KMT2C: variants seen among roughly 807,000 people sequenced by gnomAD.
The protein encoded by KMT2C is lysine methyltransferase 2C.
A neutral mutation model predicts 507.9 loss-of-function variants in KMT2C; 88 were observed. That is an observed-to-expected ratio of 0.17 (90% CI 0.15 to 0.21). The LOEUF (loss-of-function observed/expected upper bound fraction) is 0.21. KMT2C is among the 10% of genes least tolerant of loss of function. KMT2C has a pLI of 1.00. For synonymous variants in KMT2C, 2,049 were observed against 2,080.8 expected, an observed-to-expected ratio of 0.98 and a Z score of 0.42; for missense variants, 4,954 against 5,957.8, an observed-to-expected ratio of 0.83 and a Z score of 5.55.
intron 1 of KMT2C, among the ~76,000 whole-genome samples, chr7:152,391,142 C>CAAAAAAAAAAAAAAAAA (rs1195125465): frequency 5.8e-5 from 2 of 34,764 alleles, no homozygotes; most frequent in African/African-American, 2.1e-4. Flanking sequence ...AGACTGTCTC[C>CAAAAAAAAAAAAAAAAA]AAAAAAAAAA....
At chr7:152,335,448 CAAT>C (rs966502391) in intron 2 of KMT2C, among the ~76,000 whole-genome samples, 2 of 152,148 alleles carry the variant, frequency 1.3e-5, no homozygotes, top group Non-Finnish European at 2.9e-5. Context: ...AACTTACCAA[CAAT>C]GAGCCAAATG....
chr7:152,319,159 A>G (rs10248857), intron 3 of KMT2C, among the ~76,000 whole-genome samples: 16,484 of 152,210 alleles, frequency 0.11, 2,147 homozygotes, highest in African/African-American at 0.31. Context: ...TTCTGTGGGC[A>G]GCAAGCCACC....
chr7:152,184,091 A>T (rs566810134), intron 34 of KMT2C, among the ~76,000 whole-genome samples: 13 of 150,692 alleles, frequency 8.6e-5, no homozygotes, highest in Admixed American at 2.0e-4. Flanking sequence ...AAAAAAAAAA[A>T]TTTAGAAAAA....
chr7:152,167,470 C>T (rs908688438), intron 41 of KMT2C, 92 bp from the exon 42 acceptor site: 4 of 777,688 alleles, frequency 5.1e-6, no homozygotes, highest in Middle Eastern at 3.0e-4. Context: ...AGTAGTTTCA[C>T]CATGACCACA....
At chr7:152,171,426 C>A (rs547170818) in intron 39 of KMT2C, 84 bp from the exon 40 acceptor site, 2 of 848,692 alleles carry the variant, frequency 2.4e-6, no homozygotes, top group African/African-American at 3.5e-5. Context: ...AGGTGCTTAA[C>A]AGTTTTCTCT....
chr7:152,269,786 T>C (rs1160674212), intron 7 of KMT2C, among the ~76,000 whole-genome samples: 1 of 151,796 alleles, frequency 6.6e-6, no homozygotes, highest in Non-Finnish European at 1.5e-5. Context: ...CTAAATGAAG[T>C]AAAGGGAGCA....
At chr7:152,155,700 C>G (rs2091997308) in intron 46 of KMT2C, among the ~76,000 whole-genome samples, 1 of 152,008 alleles carries the variant, frequency 6.6e-6, no homozygotes, top group South Asian at 2.1e-4. Flanking sequence ...ATTTAACTCT[C>G]TATATGATGT....
At chr7:152,307,473 A>T (rs1482797378) in intron 6 of KMT2C, among the ~76,000 whole-genome samples, 2 of 152,148 alleles carry the variant, frequency 1.3e-5, no homozygotes, top group Admixed American at 1.3e-4. Context: ...GTTTTGAGTG[A>T]TTCAATCTAG....
At chr7:152,260,339 T>A (rs2095747916) in intron 9 of KMT2C, among the ~76,000 whole-genome samples, 1 of 152,038 alleles carries the variant, frequency 6.6e-6, no homozygotes, top group South Asian at 2.1e-4. Context: ...CAGAACAAGC[T>A]GAGAAAGACA....
chr7:152,398,958 G>A lies in KMT2C; in HGVS notation c.161+36668C>T, dbSNP rs75522177. On this transcript the variant is annotated intron_variant, in intron 1 of 58. Coordinates refer to ENST00000262189, the MANE Select transcript of KMT2C (RefSeq NM_170606.3). ...TCCTCCCACCTCAGCCTCTGAGTAG[G>A]TAGGACTACAGGTTCGCACCACCAA... Among the ~76,000 whole-genome samples, 1,473 of 151,844 alleles carry A rather than the reference G, an allele frequency of 9.7e-3. 35 individuals carry two copies. Among genetic ancestry groups the A allele is most frequent in the African/African-American group, 0.034 (1,418 of 41,398 alleles).
At chr7:152,334,609 T>C (rs751432621) in intron 2 of KMT2C, among the ~76,000 whole-genome samples, 2 of 151,908 alleles carry the variant, frequency 1.3e-5, no homozygotes, top group Non-Finnish European at 2.9e-5. Flanking sequence ...CGAGAGAATA[T>C]GACCAGAAGC....
chr7:152,396,840 A>C (rs1350021736), intron 1 of KMT2C, among the ~76,000 whole-genome samples: 1 of 152,236 alleles, frequency 6.6e-6, no homozygotes, highest in Non-Finnish European at 1.5e-5. Flanking sequence ...ATGAATATCC[A>C]TCAAAACTTG....
Position 152,238,823 on chromosome 7 carries a change from C to T in KMT2C, c.2536G>A (p.Ala846Thr), listed in dbSNP as rs759345474. 1.9e-6 allele frequency: 3 copies of T among 1,599,444 alleles called. No individual in the cohort carries two copies. Among genetic ancestry groups the T allele is most frequent in the African/African-American group, 2.7e-5 (2 of 74,194 alleles). Residue 846 changes from alanine (A) to threonine (T), a missense_variant, in exon 15 of 59, where the codon GCT becomes ACT. Physicochemically the swap from Ala to Thr is moderately conservative, Grantham distance 58 (BLOSUM62 0). Coordinates refer to ENST00000262189, the MANE Select transcript of KMT2C (RefSeq NM_170606.3). ...CTCACTGTATTATGGGTACTCCAAG[C>T]CCCCTAGGATATGGCAGTTGAGAAA... ...SPGRPRSKQG[A>T]WSTHNTVSPP...
chr7:152,204,171 G>A (rs376150394), intron 25 of KMT2C, among the ~76,000 whole-genome samples: 39 of 152,010 alleles, frequency 2.6e-4, no homozygotes, highest in East Asian at 1.5e-3. Flanking sequence ...AGTGGTTCAC[G>A]CCTGTAATCC....
At chr7:152,359,733 T>C (rs192949047) in intron 1 of KMT2C, among the ~76,000 whole-genome samples, 35 of 151,996 alleles carry the variant, frequency 2.3e-4, no homozygotes, top group African/African-American at 7.5e-4. Flanking sequence ...CAGTATTTAA[T>C]TGAAAAACAT....
chr7:152,219,261 C>A (rs1005976235), intron 23 of KMT2C, among the ~76,000 whole-genome samples: 2 of 150,596 alleles, frequency 1.3e-5, no homozygotes, highest in Admixed American at 6.6e-5. Flanking sequence ...TGAGCCACTG[C>A]GCCTGGCCAG....
rs186308147 is a variant in KMT2C at position 152,419,905 on chromosome 7, T to A, written c.161+15721A>T. On this transcript the variant is annotated intron_variant, in intron 1 of 58. Transcript: ENST00000262189. ...GCCAGGTACTAGTTTCTCACTCCCC[T>A]TTTTCTCTTCGGTAAAGTCTGTTTT... 1.7e-3 allele frequency among the ~76,000 whole-genome samples: 259 copies of A among 152,356 alleles called. 1 individual carries two copies. Among genetic ancestry groups the A allele is most frequent in the Middle Eastern group, 3.4e-3 (1 of 294 alleles).
chr7:152,143,932 G>C (rs1040371381), intron 55 of KMT2C, among the ~76,000 whole-genome samples: 1 of 152,202 alleles, frequency 6.6e-6, no homozygotes, highest in African/African-American at 2.4e-5. Context: ...CAGTGGTACA[G>C]GCAAGTGATA....
chr7:152,209,645 G>A (rs1267120021), intron 23 of KMT2C, among the ~76,000 whole-genome samples: 4 of 150,654 alleles, frequency 2.7e-5, no homozygotes, highest in Non-Finnish European at 5.9e-5. Flanking sequence ...TGAGGTGGGA[G>A]AAGAGAATTG....
Sources: gnomAD v4.1 joint callset for allele counts (sites outside exome capture counted in the v4.1 genomes callset) on GRCh38, gnomAD v4.1.1 for gene constraint, MANE v1.5 for transcripts, NCBI Gene and HGNC (gene_info 2026-07-23, HGNC 2026-07-21) for gene names.